GFRA1: variants seen among roughly 807,000 people sequenced by gnomAD.
GFRA1 encodes the protein GDNF family receptor alpha-1.
GFRA1 carries 16 observed loss-of-function variants against 51.6 expected under a neutral mutation model. That is an observed-to-expected ratio of 0.31 (90% confidence interval 0.21 to 0.47). The LOEUF (loss-of-function observed/expected upper bound fraction) is 0.47. Ranked by LOEUF, GFRA1 falls within the 20% of genes least tolerant of loss-of-function variation. The pLI, the probability that GFRA1 is intolerant of heterozygous loss-of-function variation, is 1.00. For missense variants in GFRA1, 530 were observed against 594.3 expected (o/e 0.89, Z 1.13); for synonymous variants, 270 against 241.3 (o/e 1.12, Z -1.10).
chr10:116,188,431 A>G (rs1334302793), intron 5 of GFRA1, among the ~76,000 whole-genome samples: 2 of 152,228 alleles, frequency 1.3e-5, no homozygotes, highest in Non-Finnish European at 2.9e-5. Context: ...GGAGCTAGAA[A>G]GTAGAACAGT....
At chr10:116,174,852 G>C (rs1253500185) in intron 5 of GFRA1, among the ~76,000 whole-genome samples, 1 of 152,090 alleles carries the variant, frequency 6.6e-6, no homozygotes, top group African/African-American at 2.4e-5. Flanking sequence ...AACGTTGAAA[G>C]CAAAATATAA....
At chr10:116,064,623 C>G (rs537398617) in intron 10 of GFRA1, 79 bp from the exon 11 acceptor site, 1 of 1,336,226 alleles carries the variant, frequency 7.5e-7, no homozygotes, top group African/African-American at 1.4e-5. Flanking sequence ...CTCTCTCCCC[C>G]CGACTCCCCA....
chr10:116,095,294 C>T (rs548911374), intron 7 of GFRA1, among the ~76,000 whole-genome samples: 46 of 152,358 alleles, frequency 3.0e-4, no homozygotes, highest in Admixed American at 1.6e-3. Context: ...TTACATCTCA[C>T]GTCCATAAGA....
upstream of GFRA1, among the ~76,000 whole-genome samples, chr10:116,273,685 C>CTG (rs1433476393): frequency 6.3e-5 from 8 of 127,596 alleles, no homozygotes; most frequent in African/African-American, 2.1e-4. Flanking sequence ...CTCTCTCTCT[C>CTG]TCTCTCTCTC....
At chr10:116,223,542 G>A (rs1338508247) in intron 4 of GFRA1, among the ~76,000 whole-genome samples, 4 of 152,150 alleles carry the variant, frequency 2.6e-5, no homozygotes, top group Non-Finnish European at 2.9e-5. Context: ...TGGCAGGACC[G>A]CACACTGGGC....
intron 5 of GFRA1, among the ~76,000 whole-genome samples, chr10:116,178,301 G>GGT: frequency 9.9e-6 from 1 of 100,690 alleles, no homozygotes; most frequent in Middle Eastern, 4.3e-3. Context: ...CAAGGGGCCG[G>GGT]GGGGGCGTTT....
Position 116,130,543 on chromosome 10 carries a change from C to G in GFRA1, c.434-4986G>C, listed in dbSNP as rs553541056. On this transcript the variant is annotated intron_variant, in intron 5 of 10. Transcript: ENST00000355422. ...CTTAAGTTATCAAGATAGTGTGGTA[C>G]AGTATAGGCATAGACAAATTGAACA... Among the ~76,000 whole-genome samples, 3 of 152,164 alleles carry G rather than the reference C, an allele frequency of 2.0e-5. No homozygotes were observed. In the East Asian group the frequency reaches 5.8e-4, roughly 29 times the overall value.
At chr10:116,088,920 C>CAAAAAAAA (rs58590152) in intron 9 of GFRA1, among the ~76,000 whole-genome samples, 1 of 49,052 alleles carries the variant, frequency 2.0e-5, no homozygotes, top group Non-Finnish European at 3.0e-5. Flanking sequence ...GACTCTGTCT[C>CAAAAAAAA]AAAAAAAAAA....
At chr10:116,193,195 T>C (rs765444977) in intron 5 of GFRA1, among the ~76,000 whole-genome samples, 2 of 152,194 alleles carry the variant, frequency 1.3e-5, no homozygotes, top group Non-Finnish European at 1.5e-5. Flanking sequence ...AGAGCAATTA[T>C]GTTGCTGCAG....
At chr10:116,084,729 T>C (rs886401614) in intron 9 of GFRA1, among the ~76,000 whole-genome samples, 4 of 151,278 alleles carry the variant, frequency 2.6e-5, no homozygotes, top group Admixed American at 1.3e-4. Context: ...AGAATTTTTC[T>C]AACGTTCCAA....
Position 116,064,550 on chromosome 10 carries a change from A to T in GFRA1, c.1252-6T>A. On this transcript the variant is annotated splice_region_variant and splice_polypyrimidine_tract_variant and intron_variant, in intron 10 of 10. Coordinates refer to ENST00000355422, the MANE Select transcript of GFRA1 (RefSeq NM_005264.8). ...CCTTCTTTTTCATAATTACCCTGTA[A>T]GGAAGAATGGTTTCATTATCATCCA... is the stretch of plus-strand genomic sequence containing the variant. 6.2e-7 allele frequency: 1 copy of T among 1,610,634 alleles called. No homozygotes were observed. The highest frequency in any genetic ancestry group is 8.5e-7 in the Non-Finnish European group (1 of 1,177,180).
At chr10:116,206,546 G>C (rs1964771460) in intron 5 of GFRA1, among the ~76,000 whole-genome samples, 1 of 150,016 alleles carries the variant, frequency 6.7e-6, no homozygotes, top group South Asian at 2.1e-4. Context: ...GTGGATTCCA[G>C]TATTTATCCA....
At chr10:116,181,735 T>C (rs1962244721) in intron 5 of GFRA1, among the ~76,000 whole-genome samples, 1 of 152,164 alleles carries the variant, frequency 6.6e-6, no homozygotes, top group Non-Finnish European at 1.5e-5. Flanking sequence ...CCTCCCAGGT[T>C]CACACCATTC....
At chr10:116,249,833 C>A (rs901703220) in intron 4 of GFRA1, among the ~76,000 whole-genome samples, 38 of 152,176 alleles carry the variant, frequency 2.5e-4, no homozygotes, top group Non-Finnish European at 5.4e-4. Flanking sequence ...CACAACCTAA[C>A]ATTACAGAAA....
intron 2 of GFRA1, among the ~76,000 whole-genome samples, 194 bp from the exon 3 acceptor site, chr10:116,271,309 TCCTCCCGGG>T (rs1843915253): frequency 6.6e-6 from 1 of 151,962 alleles, no homozygotes; most frequent in Non-Finnish European, 1.5e-5. Context: ...TCCTCTCTCC[TCCTCCCGGG>T]CCCGCAAGGA....
At chr10:116,123,949 G>A (rs779768386) in intron 6 of GFRA1, among the ~76,000 whole-genome samples, 2 of 152,186 alleles carry the variant, frequency 1.3e-5, no homozygotes, top group Non-Finnish European at 2.9e-5. Context: ...CACTCACCCA[G>A]GCTGTAGGTC....
intron 5 of GFRA1, among the ~76,000 whole-genome samples, chr10:116,182,105 T>A (rs1467034848): frequency 1.8e-5 from 1 of 56,566 alleles, no homozygotes. Flanking sequence ...GGGCTGGGGG[T>A]GGTGGGGAGG....
chr10:116,084,376 C>T (rs1323079508), intron 9 of GFRA1, among the ~76,000 whole-genome samples: 1 of 152,218 alleles, frequency 6.6e-6, no homozygotes, highest in African/African-American at 2.4e-5. Context: ...CCATGTCTCA[C>T]CCACAGATGT....
At chr10:116,241,219 A>C (rs534401564) in intron 4 of GFRA1, among the ~76,000 whole-genome samples, 20 of 152,352 alleles carry the variant, frequency 1.3e-4, no homozygotes, top group African/African-American at 4.8e-4. Flanking sequence ...AACCAACAAC[A>C]TGGGGAGAAA....
Sources: allele counts gnomAD v4.1 joint callset (sites outside exome capture counted in the v4.1 genomes callset), GRCh38; gene constraint gnomAD v4.1.1; transcripts MANE v1.5; gene names NCBI Gene and HGNC (gene_info 2026-07-23, HGNC 2026-07-21).